GDAP2: variants seen among roughly 807,000 people sequenced by gnomAD.
GDAP2 encodes ganglioside-induced differentiation-associated protein 2.
GDAP2 carries 51 observed loss-of-function variants against 67.0 expected under a neutral mutation model. That is an observed-to-expected ratio of 0.76 (90% confidence interval 0.61 to 0.96). The LOEUF is 0.96. GDAP2 is among the 40% of genes least tolerant of loss of function. The pLI, the probability that GDAP2 is intolerant of heterozygous loss-of-function variation, is 0.00. For missense variants in GDAP2, 547 were observed against 588.3 expected (o/e 0.93, Z 0.73); for synonymous variants, 203 against 207.3 (o/e 0.98, Z 0.18).
intron 1 of GDAP2, among the ~76,000 whole-genome samples, chr1:117,923,152 CT>C (rs1557811957): frequency 6.6e-6 from 1 of 152,184 alleles, no homozygotes; most frequent in Non-Finnish European, 1.5e-5. Flanking sequence ...TTATCCTGTT[CT>C]TTTTTGAAGG....
chr1:117,924,190 G>A (rs1478608518), intron 1 of GDAP2, among the ~76,000 whole-genome samples: 3 of 152,138 alleles, frequency 2.0e-5, no homozygotes, highest in Non-Finnish European at 4.4e-5. Flanking sequence ...TAGGTAAATT[G>A]CATGTCACAG....
At chr1:117,927,703 T>C (rs907077089) in intron 1 of GDAP2, among the ~76,000 whole-genome samples, 5 of 152,196 alleles carry the variant, frequency 3.3e-5, no homozygotes, top group African/African-American at 1.2e-4. Flanking sequence ...GATTTTCAGA[T>C]TGGAAGACTA....
chr1:117,918,550 A>C, intron 3 of GDAP2, 47 bp downstream of exon 3: 2 of 1,415,334 alleles, frequency 1.4e-6, no homozygotes, highest in Non-Finnish European at 2.0e-6. Flanking sequence ...GAGGACATCA[A>C]AATGAATGTT....
intron 1 of GDAP2, among the ~76,000 whole-genome samples, chr1:117,921,391 G>A (rs964241131): frequency 6.6e-6 from 1 of 152,214 alleles, no homozygotes; most frequent in African/African-American, 2.4e-5. Flanking sequence ...AAACAAGCGG[G>A]TATCTAACAG....
chr1:117,896,065 A>C (rs1167175602), intron 8 of GDAP2, among the ~76,000 whole-genome samples: 1 of 152,160 alleles, frequency 6.6e-6, no homozygotes, highest in Non-Finnish European at 1.5e-5. Context: ...AAGATAAAAC[A>C]AGCCATGATT....
intron 3 of GDAP2, among the ~76,000 whole-genome samples, chr1:117,916,906 C>T (rs550068770): frequency 1.3e-3 from 200 of 152,088 alleles, no homozygotes; most frequent in African/African-American, 4.6e-3. Context: ...TGGTGGCACA[C>T]ACCTGTAGTC....
intron 1 of GDAP2, among the ~76,000 whole-genome samples, chr1:117,922,176 T>A (rs556071003): frequency 6.6e-6 from 1 of 152,336 alleles, no homozygotes; most frequent in East Asian, 1.9e-4. Flanking sequence ...GATATAAATT[T>A]GGAATTCTCA....
At chr1:117,917,529 A>T (rs544981650) in intron 3 of GDAP2, among the ~76,000 whole-genome samples, 5 of 152,300 alleles carry the variant, frequency 3.3e-5, no homozygotes, top group African/African-American at 1.2e-4. Flanking sequence ...CTCTTACTAT[A>T]TGTCAGGAAC....
At chr1:117,898,971 A>T in intron 7 of GDAP2, 86 bp downstream of exon 7, 1 of 967,488 alleles carries the variant, frequency 1.0e-6, no homozygotes, top group Admixed American at 1.9e-5. Context: ...TCCAAAGGTC[A>T]AGCTGAATTT....
At position 117,870,050 on chromosome 1, in the gene GDAP2, T is replaced by C. The variant is rs1470847023; in HGVS notation, c.*519A>G. 6.5e-6 allele frequency: 1 copy of C among 152,706 alleles called. No individual in the cohort carries two copies. Among genetic ancestry groups the C allele is most frequent in the African/African-American group, 2.4e-5 (1 of 41,478 alleles). 9.5% of individuals were successfully genotyped at this position (152,706 alleles called of 1,614,324 possible). A position where few individuals can be genotyped will look rare whatever the true frequency, so the allele number is the denominator to read the frequency against. ...ATTTTGATGTTTTTTGTCAGATACA[T>C]TTCCACATTCTTGGACTCAGGTAAT... On this transcript the variant is annotated 3_prime_UTR_variant, in exon 14 of 14. Coordinates refer to ENST00000369443, the MANE Select transcript of GDAP2 (RefSeq NM_017686.4).
chr1:117,876,550 A>G (rs1005337291), intron 13 of GDAP2, among the ~76,000 whole-genome samples: 2 of 152,200 alleles, frequency 1.3e-5, no homozygotes, highest in Non-Finnish European at 2.9e-5. Flanking sequence ...TCAATTTTAG[A>G]AAGCTCTAGC....
chr1:117,892,424 T>G (rs1649118302), intron 8 of GDAP2, among the ~76,000 whole-genome samples: 1 of 152,110 alleles, frequency 6.6e-6, no homozygotes, highest in Non-Finnish European at 1.5e-5. Flanking sequence ...AATCTTTTGT[T>G]CCAATCCAAA....
intron 8 of GDAP2, among the ~76,000 whole-genome samples, chr1:117,895,072 T>G (rs1412670203): frequency 3.9e-5 from 6 of 152,194 alleles, no homozygotes; most frequent in Admixed American, 2.6e-4. Context: ...TATACATTCC[T>G]ATTATAAAAT....
At chr1:117,890,805 A>T (rs1014984387) in intron 8 of GDAP2, among the ~76,000 whole-genome samples, 7 of 152,092 alleles carry the variant, frequency 4.6e-5, no homozygotes, top group African/African-American at 1.7e-4. Flanking sequence ...TGCTGTATGT[A>T]ATCTCTTGGG....
chr1:117,875,294 G>A (rs1017527071), intron 13 of GDAP2, among the ~76,000 whole-genome samples: 7 of 152,228 alleles, frequency 4.6e-5, no homozygotes, highest in South Asian at 4.1e-4. Flanking sequence ...TGGTTCCAGC[G>A]ATGGCTCAAA....
intron 12 of GDAP2, among the ~76,000 whole-genome samples, chr1:117,880,674 A>C (rs1648621269): frequency 6.6e-6 from 1 of 152,238 alleles, no homozygotes; most frequent in Non-Finnish European, 1.5e-5. Flanking sequence ...GTCTGGGATT[A>C]AAATGCCTAG....
intron 6 of GDAP2, 34 bp downstream of exon 6, chr1:117,906,472 T>A: frequency 9.0e-7 from 1 of 1,108,980 alleles, no homozygotes; most frequent in Non-Finnish European, 1.3e-6. Flanking sequence ...AAGATAGAAA[T>A]AAGATTTAAA....
intron 8 of GDAP2, among the ~76,000 whole-genome samples, chr1:117,893,067 C>T (rs868600488): frequency 1.3e-5 from 2 of 152,036 alleles, no homozygotes; most frequent in African/African-American, 4.8e-5. Context: ...ACTTTATTAC[C>T]AGTAGTATCC....
intron 8 of GDAP2, among the ~76,000 whole-genome samples, 194 bp from the exon 9 acceptor site, chr1:117,887,968 G>T (rs993244623): frequency 6.6e-6 from 1 of 152,030 alleles, no homozygotes; most frequent in Non-Finnish European, 1.5e-5. Context: ...AAACACAAAT[G>T]AATTATTGAG....
Sources: allele counts gnomAD v4.1 joint callset (sites outside exome capture counted in the v4.1 genomes callset), GRCh38; gene constraint gnomAD v4.1.1; transcripts MANE v1.5; gene names NCBI Gene and HGNC (gene_info 2026-07-23, HGNC 2026-07-21).